The following PMEPA1 variants were observed in gnomAD, a reference collection of about 807,000 sequenced individuals.
The protein encoded by PMEPA1 is prostate transmembrane protein, androgen induced 1, also known as protein TMEPAI.
In PMEPA1, 11 loss-of-function variants were observed where a neutral mutation model predicts 23.0. The observed-to-expected ratio is 0.48, with a 90% CI of 0.30 to 0.79. The LOEUF (loss-of-function observed/expected upper bound fraction) is 0.79. Among genes scored for constraint, PMEPA1 ranks in the 30% least tolerant of loss-of-function variants. The pLI is 0.06. For synonymous variants in PMEPA1, 204 were observed against 166.4 expected, an observed-to-expected ratio of 1.23 and a Z score of -1.74; for missense variants, 377 against 390.9, an observed-to-expected ratio of 0.96 and a Z score of 0.30.
In PMEPA1 at chr20:57,652,568, C is replaced by T. The variant is rs1170956303; in HGVS notation, c.349G>A (p.Asp117Asn). The change falls in exon 4 of 4, where the codon GAC becomes AAC. Residue 117 changes from aspartate (D) to asparagine (N), a missense_variant. Asp to Asn is a conservative substitution (Grantham distance 23, BLOSUM62 1). Coordinates refer to ENST00000341744, the MANE Select transcript of PMEPA1 (RefSeq NM_020182.5). This position sits in a 1 kb window ranked among gnomAD's most constrained non-coding sequence, Gnocchi z 6.1. ...GCGAAGGGCGGCACGGCCAGGCGGTCGGTGGGCCGAGGCGGGGCGTAGACC... is the reference window on the plus strand; with the variant it reads ...GCGAAGGGCGGCACGGCCAGGCGGTTGGTGGGCCGAGGCGGGGCGTAGACC... ...PQVYAPPRPTDRLAVPPFAQR... is the reference protein window; with the variant it reads ...PQVYAPPRPTNRLAVPPFAQR... 2 of 1,515,322 alleles carry T rather than the reference C, an allele frequency of 1.3e-6. No homozygotes were observed. Among genetic ancestry groups the T allele is most frequent in the Non-Finnish European group, 1.8e-6 (2 of 1,131,994 alleles). The allele number at this position is 1,515,322 out of a possible 1,614,324, so 93.9% of individuals were successfully genotyped here.
rs2071308985 is a variant in PMEPA1, at chr20:57,655,104, CTGA to C, written c.265-2021_265-2019del. On this transcript the variant is annotated intron_variant, in intron 2 of 3. Transcript: ENST00000341744. The surrounding 1 kb of genome is among the most constrained non-coding windows in gnomAD (Gnocchi z 4.2). ...CGGGTTTTCCTATCTGTATAGCGGG[CTGA>C]TGACAGCGCCTGCAATGCACCATAC... is the stretch of plus-strand genomic sequence containing the variant. Among the ~76,000 whole-genome samples the C allele has an allele frequency of 1.3e-5, 2 of 152,210 alleles. No homozygotes were observed. The highest frequency in any genetic ancestry group is 2.1e-4 in the South Asian group (1 of 4,832).
At chr20:57,679,624 G>A (rs993114350) in intron 1 of PMEPA1, among the ~76,000 whole-genome samples, 15 of 152,182 alleles carry the variant, frequency 9.9e-5, no homozygotes, top group Admixed American at 3.3e-4. Flanking sequence ...CCAGGCGCTC[G>A]CTTCCTTAGT....
chr20:57,687,258 T>C (rs2071813394), intron 1 of PMEPA1, among the ~76,000 whole-genome samples: 1 of 152,212 alleles, frequency 6.6e-6, no homozygotes, highest in African/African-American at 2.4e-5. Context: ...TGATCTCCTG[T>C]GCCTGGGGCA....
At chr20:57,664,380 C>T (rs1440407263) in intron 1 of PMEPA1, among the ~76,000 whole-genome samples, 1 of 152,264 alleles carries the variant, frequency 6.6e-6, no homozygotes, top group Non-Finnish European at 1.5e-5. Flanking sequence ...CCTCCCCACA[C>T]TAAGTCCCAC....
At chr20:57,677,208 G>T (rs76142024) in intron 1 of PMEPA1, among the ~76,000 whole-genome samples, 2,505 of 152,306 alleles carry the variant, frequency 0.016, 31 homozygotes, top group Non-Finnish European at 0.026. Flanking sequence ...CAGGAGCATG[G>T]ATTATTCTGG....
Position 57,690,734 on chromosome 20 carries a change from C to T in PMEPA1, c.109+18740G>A, listed in dbSNP as rs114305260. On this transcript the variant is annotated intron_variant, in intron 1 of 3. Transcript: ENST00000341744. ...GAGTTTTGTAAGTGACACGCCCAGCCGACCCCCACCTGCCGGAAGTCTGGG... is the reference window on the plus strand; with the variant it reads ...GAGTTTTGTAAGTGACACGCCCAGCTGACCCCCACCTGCCGGAAGTCTGGG... 1,066 of 374,188 alleles carry T rather than the reference C, an allele frequency of 2.8e-3. 9 individuals are homozygous for T. Among genetic ancestry groups the T allele is most frequent in the African/African-American group, 0.02 (951 of 47,288 alleles). 23.2% of individuals were successfully genotyped at this position (374,188 alleles called of 1,614,324 possible).
chr20:57,705,808 C>T (rs988201043), intron 1 of PMEPA1, among the ~76,000 whole-genome samples: 5 of 152,150 alleles, frequency 3.3e-5, no homozygotes, highest in Admixed American at 1.3e-4. Context: ...GCTGTCAAAC[C>T]TGGGAGAGGG....
At chr20:57,679,552 C>A (rs1383602876) in intron 1 of PMEPA1, among the ~76,000 whole-genome samples, 1 of 152,194 alleles carries the variant, frequency 6.6e-6, no homozygotes, top group African/African-American at 2.4e-5. Context: ...CGTTCAGTGG[C>A]GGGTTCCGGG....
In PMEPA1 at chr20:57,649,819, T is replaced by C. The variant is rs2071198286; in HGVS notation, c.*2234A>G. The C allele has an allele frequency of 6.6e-6, 1 of 152,532 alleles. No homozygotes were observed. The highest frequency in any genetic ancestry group is 2.1e-4 in the South Asian group (1 of 4,820). The allele number at this position is 152,532 out of a possible 1,614,324, so 9.4% of individuals were successfully genotyped here. ...GGTGGACCCTGGGAGGGGATACCAG[T>C]CCCAGGTGAGTGAGGCACTGTCCGG... On this transcript the variant is annotated 3_prime_UTR_variant, in exon 4 of 4. Transcript: ENST00000341744.
At chr20:57,705,198 C>T (rs1208244960) in intron 1 of PMEPA1, among the ~76,000 whole-genome samples, 1 of 152,232 alleles carries the variant, frequency 6.6e-6, no homozygotes, top group African/African-American at 2.4e-5. Flanking sequence ...TGTGTTTGTA[C>T]AGGAACAATT....
At chr20:57,685,296 G>A (rs549717755) in intron 1 of PMEPA1, among the ~76,000 whole-genome samples, 2 of 152,366 alleles carry the variant, frequency 1.3e-5, no homozygotes, top group Admixed American at 1.3e-4. Context: ...TGTGGGCTAG[G>A]AGGAGGCCGG....
At position 57,655,744 on chromosome 20, in the gene PMEPA1, G is replaced by A. The variant is rs1044831148; in HGVS notation, c.265-2658C>T. Among the ~76,000 whole-genome samples the A allele has an allele frequency of 1.3e-5, 2 of 152,196 alleles. No individual in the cohort carries two copies. The highest frequency in any genetic ancestry group is 1.3e-4 in the Admixed American group (2 of 15,282). ...GGCTCGGGGTGGACTCCTCTTCTTT[G>A]AAGTGGGCGCACCCAGTCCACCTGC... On this transcript the variant is annotated intron_variant, in intron 2 of 3. Coordinates refer to ENST00000341744, the MANE Select transcript of PMEPA1 (RefSeq NM_020182.5). This position sits in a 1 kb window ranked among gnomAD's most constrained non-coding sequence, Gnocchi z 4.2.
At chr20:57,676,944 C>T (rs80072972) in intron 1 of PMEPA1, among the ~76,000 whole-genome samples, 1,792 of 152,340 alleles carry the variant, frequency 0.012, 32 homozygotes, top group African/African-American at 0.04. Context: ...TCTGACTTCC[C>T]ACACTATGCT....
Position 57,651,874 on chromosome 20 carries a change from T to G in PMEPA1, c.*179A>C. 1 of 404,652 alleles carries G rather than the reference T, an allele frequency of 2.5e-6. No homozygotes were observed. The highest frequency in any genetic ancestry group is 4.3e-6 in the Non-Finnish European group (1 of 233,298). The allele number at this position is 404,652 out of a possible 1,614,324, so 25.1% of individuals were successfully genotyped here. A position where few individuals can be genotyped will look rare whatever the true frequency, so the allele number is the denominator to read the frequency against. On this transcript the variant is annotated 3_prime_UTR_variant, in exon 4 of 4. Transcript: ENST00000341744. The stretch of plus-strand genomic sequence containing the variant: ...TTTTTCTTTTTTTTTTTGCAAGCTC[T>G]CTTAGCTTGTGCATTCAGACCAGAC...
intron 1 of PMEPA1, among the ~76,000 whole-genome samples, chr20:57,673,563 A>G (rs1422426275): frequency 3.3e-5 from 5 of 151,704 alleles, no homozygotes; most frequent in African/African-American, 1.2e-4. Context: ...TTAACCCTCA[A>G]AGCCCAGGGC....
chr20:57,710,631 G>T (rs2072167418), upstream of PMEPA1: 3 of 640,804 alleles, frequency 4.7e-6, no homozygotes, highest in Non-Finnish European at 7.8e-6. Flanking sequence ...AGCTGTCGGG[G>T]ACTGGTGTAT....
At chr20:57,703,353 C>T (rs1015965519) in intron 1 of PMEPA1, among the ~76,000 whole-genome samples, 2 of 152,238 alleles carry the variant, frequency 1.3e-5, no homozygotes, top group African/African-American at 4.8e-5. Context: ...AGCCCCAAAC[C>T]ATCAGAAGCT....
chr20:57,667,495 C>T (rs1423829220), intron 1 of PMEPA1, among the ~76,000 whole-genome samples: 1 of 152,100 alleles, frequency 6.6e-6, no homozygotes, highest in Non-Finnish European at 1.5e-5. Flanking sequence ...GAGCTGGGAG[C>T]AGAGTCCACC....
chr20:57,687,558 C>T (rs1478665920), intron 1 of PMEPA1, among the ~76,000 whole-genome samples: 1 of 152,260 alleles, frequency 6.6e-6, no homozygotes, highest in African/African-American at 2.4e-5. Context: ...GGAGCTTCCT[C>T]TCCCCACTGC....
Sources: gnomAD v4.1 joint callset for allele counts (sites outside exome capture counted in the v4.1 genomes callset) on GRCh38, gnomAD v4.1.1 for gene constraint, Gnocchi (gnomAD v3.1) non-coding constraint, MANE v1.5 for transcripts, NCBI Gene and HGNC (gene_info 2026-07-23, HGNC 2026-07-21) for gene names.